The following OR5C1 variants were observed in gnomAD, a reference collection of about 807,000 sequenced individuals.
The protein encoded by OR5C1 is olfactory receptor 5C1.
For synonymous variants in OR5C1, 184 were observed against 181.5 expected (o/e 1.01, Z -0.11); for missense variants, 433 against 426.5 (o/e 1.02, Z -0.13).
In OR5C1 at chr9:122,789,515, GAC is replaced by G; in HGVS notation, c.586_587del (p.Thr196GlnfsTer4). 1 of 1,614,210 alleles carries G rather than the reference GAC, an allele frequency of 6.2e-7. No homozygotes were observed. Among genetic ancestry groups the G allele is most frequent in the Non-Finnish European group, 8.5e-7 (1 of 1,180,034 alleles). ...TCCACTGCTGGCCATCTCGTGCAGT[GAC>G]ACCAGTCTCAATGAACTCCTTCTCT... The part of the protein sequence containing the change: ...IPPLLAISCS[D>X]TSLNELLLFA... On this transcript the variant is annotated frameshift_variant, in exon 1 of 1. Transcript: ENST00000373680. LOFTEE classifies it low-confidence loss of function (END_TRUNC).
At position 122,789,700 on chromosome 9, in the gene OR5C1, C is replaced by T. The variant is rs534083874; in HGVS notation, c.768C>T (p.Tyr256=). 112 of 1,605,072 alleles carry T rather than the reference C, an allele frequency of 7.0e-5. No homozygotes were observed. The highest frequency in any genetic ancestry group is 1.7e-4 in the Middle Eastern group (1 of 6,036). Residue 256 remains tyrosine (Y), a synonymous_variant, in exon 1 of 1, where the codon TAC becomes TAT. Transcript: ENST00000373680. ...GSHLTAVAMM[Y]GTLIFMYLRP... The stretch of plus-strand genomic sequence containing the variant: ...ACCTCACAGCCGTGGCCATGATGTA[C>T]GGGACACTCATTTTCATGTACCTGC...
Position 122,789,851 on chromosome 9 carries a change from CAGACCT to C in OR5C1, c.920_925del (p.Gln307_Trp309delinsArg). On this transcript the variant is annotated inframe_deletion, in exon 1 of 1. Transcript: ENST00000373680. ...TAAGGAGGTCAAGGAGGCCCTCAGG[CAGACCT>C]GGAGCCGATTCCACTGTCCAGGGCA... is the stretch of plus-strand genomic sequence containing the variant. The C allele has an allele frequency of 6.3e-7, 1 of 1,575,196 alleles. No individual in the cohort carries two copies. The highest frequency in any genetic ancestry group is 8.6e-7 in the Non-Finnish European group (1 of 1,162,756).
rs1448484812 is a variant in OR5C1 at position 122,789,528 on chromosome 9, A to G, written c.596A>G (p.Asn199Ser). 1.9e-6 allele frequency: 3 copies of G among 1,614,174 alleles called. No homozygotes were observed. The highest frequency in any genetic ancestry group is 2.5e-6 in the Non-Finnish European group (3 of 1,180,026). Residue 199 changes from asparagine to serine, a missense_variant, in exon 1 of 1, where the codon AAT becomes AGT. Coordinates refer to ENST00000373680, the MANE Select transcript of OR5C1 (RefSeq NM_001001923.1). ...ATCTCGTGCAGTGACACCAGTCTCA[A>G]TGAACTCCTTCTCTTCGCCATCTGT... The part of the protein sequence containing the change: ...LAISCSDTSL[N>S]ELLLFAICGF...
At position 122,789,412 on chromosome 9, in the gene OR5C1, C is replaced by A. The variant is rs975988094; in HGVS notation, c.480C>A (p.Ala160=). The A allele has an allele frequency of 6.2e-7, 1 of 1,612,852 alleles. No homozygotes were observed. Among genetic ancestry groups the A allele is most frequent in the Non-Finnish European group, 8.5e-7 (1 of 1,179,160 alleles). Residue 160 remains alanine, a synonymous_variant, in exon 1 of 1, where the codon GCC becomes GCA. Transcript: ENST00000373680. The stretch of plus-strand genomic sequence containing the variant: ...CAGGCCTGGGTGGGGCAGTGAGTGC[C>A]TTTGTTCACACAACCCTCACCTTCC... ...GASGLGGAVS[A]FVHTTLTFRL...
chr9:122,789,644 A>G lies in OR5C1; in HGVS notation c.712A>G (p.Ser238Gly). 1 of 1,611,392 alleles carries G rather than the reference A, an allele frequency of 6.2e-7. No homozygotes were observed. The highest frequency in any genetic ancestry group is 1.1e-5 in the South Asian group (1 of 90,752). ...AVIHMRSVEGSRRAASTGGSH... is the reference protein window; with the variant it reads ...AVIHMRSVEGGRRAASTGGSH... ...GATCCACATGCGCTCGGTCGAGGGC[A>G]GTCGGCGAGCAGCCTCCACCGGTGG... The change falls in exon 1 of 1, where the codon AGT (serine) becomes GGT (glycine). Residue 238 changes from serine to glycine, a missense_variant. Ser to Gly is a moderately conservative substitution (Grantham distance 56). Transcript: ENST00000373680.
Position 122,789,263 on chromosome 9 carries a change from C to A in OR5C1, c.331C>A (p.Leu111Met), listed in dbSNP as rs201755571. The A allele has an allele frequency of 3.1e-6, 5 of 1,613,908 alleles. No individual in the cohort carries two copies. In the African/African-American group the frequency reaches 5.3e-5, roughly 17 times the overall value. ...CCTCCAGATGTTTGTCTTTGCAGGTCTGGCTGATACTGAGTGTTGCTTGCT... is the reference window on the plus strand; with the variant it reads ...CCTCCAGATGTTTGTCTTTGCAGGTATGGCTGATACTGAGTGTTGCTTGCT... ...CALQMFVFAG[L>M]ADTECCLLAA... is the part of the protein sequence containing the mutation. The change falls in exon 1 of 1, where the codon CTG becomes ATG. Residue 111 changes from leucine to methionine, a missense_variant. Physicochemically the swap from Leu to Met is conservative, Grantham distance 15. Transcript: ENST00000373680.
chr9:122,789,077 A>G lies in OR5C1; in HGVS notation c.145A>G (p.Met49Val). Residue 49 changes from methionine (M) to valine (V), a missense_variant, in exon 1 of 1, where the codon ATG becomes GTG. Transcript: ENST00000373680. ...YLVSLLGNMG[M>V]ALLIRMDARL... Reference sequence around the variant, plus strand: ...GGTGAGCCTGCTGGGAAACATGGGCATGGCGCTGCTGATCCGCATGGATGC... The same window carrying G: ...GGTGAGCCTGCTGGGAAACATGGGCGTGGCGCTGCTGATCCGCATGGATGC... The G allele has an allele frequency of 3.1e-6, 5 of 1,614,052 alleles. No homozygotes were observed. The highest frequency in any genetic ancestry group is 4.2e-6 in the Non-Finnish European group (5 of 1,179,982).
In OR5C1 at chr9:122,789,707, C is replaced by T; in HGVS notation, c.775C>T (p.Leu259Phe). ...LTAVAMMYGTLIFMYLRPSSS... is the reference protein window; with the variant it reads ...LTAVAMMYGTFIFMYLRPSSS... ...AGCCGTGGCCATGATGTACGGGACA[C>T]TCATTTTCATGTACCTGCGCCCCAG... The change falls in exon 1 of 1, where the codon CTC becomes TTC. Residue 259 changes from leucine to phenylalanine, a missense_variant. By Grantham distance (22) the Leu-to-Phe change is conservative. Transcript: ENST00000373680. 1 of 1,605,602 alleles carries T rather than the reference C, an allele frequency of 6.2e-7. No individual in the cohort carries two copies. The highest frequency in any genetic ancestry group is 1.7e-4 in the Middle Eastern group (1 of 6,008).
Position 122,789,008 on chromosome 9 carries a change from G to A in OR5C1, c.76G>A (p.Asp26Asn). ...FVLLGITNRW[D>N]LRVALFLTCL... ...CCTCCTGGGCATCACAAATCGCTGG[G>A]ACCTGCGTGTGGCCCTCTTCCTGAC... is the stretch of plus-strand genomic sequence containing the variant. The change falls in exon 1 of 1, where the codon GAC becomes AAC. Residue 26 changes from aspartate to asparagine, a missense_variant. Asp to Asn is a conservative substitution (Grantham distance 23). Transcript: ENST00000373680. 1 of 1,613,196 alleles carries A rather than the reference G, an allele frequency of 6.2e-7. No individual in the cohort carries two copies. The highest frequency in any genetic ancestry group is 8.5e-7 in the Non-Finnish European group (1 of 1,179,510).
Position 122,789,865 on chromosome 9 carries a change from A to T in OR5C1, c.933A>T (p.Arg311=). ...VKEALRQTWS[R]FHCPGQGSQ ...AGGCCCTCAGGCAGACCTGGAGCCG[A>T]TTCCACTGTCCAGGGCAGGGGTCCC... is the stretch of plus-strand genomic sequence containing the variant. The change falls in exon 1 of 1, where the codon CGA becomes CGT. Residue 311 remains arginine, a synonymous_variant. Coordinates refer to ENST00000373680, the MANE Select transcript of OR5C1 (RefSeq NM_001001923.1). 3.2e-6 allele frequency: 5 copies of T among 1,562,904 alleles called. No homozygotes were observed. The highest frequency in any genetic ancestry group is 4.3e-6 in the Non-Finnish European group (5 of 1,157,380).
rs750294871 is a variant in OR5C1, at chr9:122,789,482, G to A, written c.550G>A (p.Asp184Asn). ...CCGGAAGATCAATAGCTTCTTCTGCGATATCCCTCCACTGCTGGCCATCTC... is the reference window on the plus strand; with the variant it reads ...CCGGAAGATCAATAGCTTCTTCTGCAATATCCCTCCACTGCTGGCCATCTC... ...RSRKINSFFC[D>N]IPPLLAISCS... Residue 184 changes from aspartate to asparagine, a missense_variant, in exon 1 of 1, where the codon GAT (aspartate) becomes AAT (asparagine). Physicochemically the swap from Asp to Asn is conservative, Grantham distance 23 (BLOSUM62 1). Transcript: ENST00000373680. The A allele has an allele frequency of 8.1e-6, 13 of 1,614,048 alleles. No homozygotes were observed. Among genetic ancestry groups the A allele is most frequent in the South Asian group, 6.6e-5 (6 of 91,078 alleles).
rs763924560 is a variant in OR5C1, at chr9:122,788,948, C to G, written c.16C>G (p.Leu6Val). The change falls in exon 1 of 1, where the codon CTC (leucine) becomes GTC (valine). Residue 6 changes from leucine (L) to valine (V), a missense_variant. By Grantham distance (32) the Leu-to-Val change is conservative. Coordinates refer to ENST00000373680, the MANE Select transcript of OR5C1 (RefSeq NM_001001923.1). MNSEN[L>V]TRAAVAPAEF... ...GTCCAGTAGGATGAACTCAGAGAAC[C>G]TCACCCGGGCCGCGGTTGCCCCTGC... 18 of 1,576,398 alleles carry G rather than the reference C, an allele frequency of 1.1e-5. No individual in the cohort carries two copies. In the East Asian group the frequency reaches 3.8e-4, roughly 33 times the overall value.
chr9:122,789,225 A>G lies in OR5C1; in HGVS notation c.293A>G (p.Tyr98Cys), dbSNP rs750847570. 6.2e-7 allele frequency: 1 copy of G among 1,614,156 alleles called. No homozygotes were observed. Among genetic ancestry groups the G allele is most frequent in the African/African-American group, 1.3e-5 (1 of 75,038 alleles). The change falls in exon 1 of 1, where the codon TAC becomes TGC. Residue 98 changes from tyrosine (Y) to cysteine (C), a missense_variant. Coordinates refer to ENST00000373680, the MANE Select transcript of OR5C1 (RefSeq NM_001001923.1). ...CTGCTGCCCCGAGCCACCATCCCTT[A>G]CACAGCCTGTGCCCTCCAGATGTTT... ...DLLLPRATIP[Y>C]TACALQMFVF...
In OR5C1 at chr9:122,789,284, T is replaced by G. The variant is rs1253390215; in HGVS notation, c.352T>G (p.Leu118Val). ...AGGTCTGGCTGATACTGAGTGTTGCTTGCTGGCAGCCATGGCCTATGACCG... is the reference window on the plus strand; with the variant it reads ...AGGTCTGGCTGATACTGAGTGTTGCGTGCTGGCAGCCATGGCCTATGACCG... Reference protein sequence around the residue: ...FAGLADTECCLLAAMAYDRYV... With the variant: ...FAGLADTECCVLAAMAYDRYV... The change falls in exon 1 of 1, where the codon TTG becomes GTG. Residue 118 changes from leucine (L) to valine (V), a missense_variant. By Grantham distance (32) the Leu-to-Val change is conservative. Transcript: ENST00000373680. 6.2e-7 allele frequency: 1 copy of G among 1,613,924 alleles called. No individual in the cohort carries two copies. Among genetic ancestry groups the G allele is most frequent in the Non-Finnish European group, 8.5e-7 (1 of 1,179,928 alleles).
Position 122,788,955 on chromosome 9 carries a change from G to A in OR5C1, c.23G>A (p.Arg8Gln), listed in dbSNP as rs201590529. 57 of 1,583,688 alleles carry A rather than the reference G, an allele frequency of 3.6e-5. No homozygotes were observed. The highest frequency in any genetic ancestry group is 8.6e-5 in the Admixed American group (5 of 58,102). MNSENLTRAAVAPAEFVL... is the reference protein window; with the variant it reads MNSENLTQAAVAPAEFVL... Reference sequence around the variant, plus strand: ...AGGATGAACTCAGAGAACCTCACCCGGGCCGCGGTTGCCCCTGCTGAATTC... The same window carrying A: ...AGGATGAACTCAGAGAACCTCACCCAGGCCGCGGTTGCCCCTGCTGAATTC... Residue 8 changes from arginine to glutamine, a missense_variant, in exon 1 of 1, where the codon CGG (arginine) becomes CAG (glutamine). Arg to Gln is a conservative substitution (Grantham distance 43, BLOSUM62 1). Transcript: ENST00000373680.
In OR5C1 at chr9:122,789,346, A is replaced by G. The variant is rs147929220; in HGVS notation, c.414A>G (p.Thr138=). ...TCAGAAACCCACTTCTCTATACAAC[A>G]GCTATGTCGCAGCGTCTATGCCTGG... ...VAIRNPLLYT[T]AMSQRLCLAL... The change falls in exon 1 of 1, where the codon ACA becomes ACG. Residue 138 remains threonine (T), a synonymous_variant. Coordinates refer to ENST00000373680, the MANE Select transcript of OR5C1 (RefSeq NM_001001923.1). 5.6e-6 allele frequency: 9 copies of G among 1,613,880 alleles called. No homozygotes were observed. The highest frequency in any genetic ancestry group is 1.3e-5 in the African/African-American group (1 of 74,896).
rs1829240899 is a variant in OR5C1, at chr9:122,789,885, G to A, written c.953G>A (p.Gly318Glu). 6.6e-7 allele frequency: 1 copy of A among 1,525,468 alleles called. No individual in the cohort carries two copies. The highest frequency in any genetic ancestry group is 2.3e-5 in the East Asian group (1 of 44,166). 94.5% of individuals were successfully genotyped at this position (1,525,468 alleles called of 1,614,324 possible). ...AGCCGATTCCACTGTCCAGGGCAGG[G>A]GTCCCAGTGATTGGTCCAGGGAGGC... Reference protein sequence around the residue: ...TWSRFHCPGQGSQ With the variant: ...TWSRFHCPGQESQ Residue 318 changes from glycine to glutamate, a missense_variant, in exon 1 of 1, where the codon GGG (glycine) becomes GAG (glutamate). Coordinates refer to ENST00000373680, the MANE Select transcript of OR5C1 (RefSeq NM_001001923.1).
rs112939157 is a variant in OR5C1, at chr9:122,789,573, C to T, written c.641C>T (p.Thr214Met). The change falls in exon 1 of 1, where the codon ACG becomes ATG. Residue 214 changes from threonine (T) to methionine (M), a missense_variant. Physicochemically the swap from Thr to Met is moderately conservative, Grantham distance 81 (BLOSUM62 -1). Coordinates refer to ENST00000373680, the MANE Select transcript of OR5C1 (RefSeq NM_001001923.1). ...ATCTGTGGCTTCATCCAGACAGCCA[C>T]GGTGTTAGCTATCACGGTGTCTTAT... ...FAICGFIQTA[T>M]VLAITVSYGF... 7.0e-5 allele frequency: 113 copies of T among 1,614,052 alleles called. 2 individuals are homozygous for T. The highest frequency in any genetic ancestry group is 2.5e-4 in the South Asian group (23 of 91,058).
chr9:122,789,858 G>C lies in OR5C1; in HGVS notation c.926G>C (p.Trp309Ser). The C allele has an allele frequency of 1.3e-6, 2 of 1,567,744 alleles. No individual in the cohort carries two copies. Among genetic ancestry groups the C allele is most frequent in the Non-Finnish European group, 1.7e-6 (2 of 1,159,746 alleles). The change falls in exon 1 of 1, where the codon TGG becomes TCG. Residue 309 changes from tryptophan (W) to serine (S), a missense_variant. Transcript: ENST00000373680. ...GTCAAGGAGGCCCTCAGGCAGACCT[G>C]GAGCCGATTCCACTGTCCAGGGCAG... ...KEVKEALRQT[W>S]SRFHCPGQGS...
Sources: gnomAD v4.1 joint callset for allele counts on GRCh38, gnomAD v4.1.1 for gene constraint, MANE v1.5 for transcripts, NCBI Gene and HGNC (gene_info 2026-07-23, HGNC 2026-07-21) for gene names.